The following AUTS2 variants were observed in gnomAD, a reference collection of about 807,000 sequenced individuals.
The protein encoded by AUTS2 is activator of transcription and developmental regulator AUTS2.
AUTS2 carries 17 observed loss-of-function variants against 112.4 expected under a neutral mutation model. The observed-to-expected ratio is 0.15, with a 90% CI of 0.10 to 0.23. AUTS2 has a LOEUF of 0.23. AUTS2 is among the 10% of genes least tolerant of loss of function. The probability of loss-of-function intolerance (pLI) is 1.00; values close to 1 mark genes in which losing one functional copy is unlikely to be tolerated. For synonymous variants in AUTS2, 751 were observed against 702.7 expected (o/e 1.07, Z -1.09); for missense variants, 1,510 against 1,701.6 (o/e 0.89, Z 1.98).
At chr7:70,544,234 G>C (rs765934560) in intron 5 of AUTS2, among the ~76,000 whole-genome samples, 3 of 152,200 alleles carry the variant, frequency 2.0e-5, no homozygotes, top group Non-Finnish European at 4.4e-5. Flanking sequence ...CTTGACATCT[G>C]TCACCTGTTC....
intron 4 of AUTS2, among the ~76,000 whole-genome samples, chr7:70,237,970 T>C (rs1473504416): frequency 6.6e-6 from 1 of 152,206 alleles, no homozygotes; most frequent in Admixed American, 6.5e-5. Flanking sequence ...GTAACAGCTA[T>C]CTACAGTAAT....
At chr7:69,717,007 C>T (rs1379778009) in intron 1 of AUTS2, among the ~76,000 whole-genome samples, 1 of 152,184 alleles carries the variant, frequency 6.6e-6, no homozygotes, top group African/African-American at 2.4e-5. Flanking sequence ...TCTTGCGAAG[C>T]TCATTTAAAC....
chr7:70,786,864 C>A, intron 17 of AUTS2: 1 of 373,926 alleles, frequency 2.7e-6, no homozygotes, highest in African/African-American at 2.1e-5. Context: ...ATCCAAATCC[C>A]ACCATCATAA....
intron 5 of AUTS2, among the ~76,000 whole-genome samples, chr7:70,673,373 C>CTT (rs61024543): frequency 1.8e-4 from 26 of 146,312 alleles, no homozygotes; most frequent in East Asian, 4.0e-4. Flanking sequence ...TTTTTCTTTT[C>CTT]TTTTTTTTTT....
At chr7:70,506,472 G>T (rs1344785017) in intron 5 of AUTS2, among the ~76,000 whole-genome samples, 3 of 152,182 alleles carry the variant, frequency 2.0e-5, no homozygotes, top group Non-Finnish European at 4.4e-5. Context: ...AAGTGAATAT[G>T]GCTAACTGTA....
At chr7:70,758,540 A>C (rs1789364329) in intron 6 of AUTS2, among the ~76,000 whole-genome samples, 1 of 152,238 alleles carries the variant, frequency 6.6e-6, no homozygotes, top group African/African-American at 2.4e-5. Flanking sequence ...TTTACCGTAA[A>C]GTACGCAATG....
At chr7:69,763,187 A>G (rs1462317470) in intron 1 of AUTS2, among the ~76,000 whole-genome samples, 1 of 152,202 alleles carries the variant, frequency 6.6e-6, no homozygotes, top group African/African-American at 2.4e-5. Flanking sequence ...GGATGCTTTA[A>G]TTGCCTCAGC....
intron 4 of AUTS2, among the ~76,000 whole-genome samples, chr7:70,421,097 T>G (rs1002067136): frequency 2.0e-5 from 3 of 152,172 alleles, no homozygotes; most frequent in African/African-American, 7.2e-5. Flanking sequence ...AAATAGGGGT[T>G]TTAGAAGACT....
intron 4 of AUTS2, among the ~76,000 whole-genome samples, chr7:70,272,226 T>A (rs1006221872): frequency 4.0e-5 from 6 of 151,334 alleles, no homozygotes; most frequent in African/African-American, 1.5e-4. Flanking sequence ...AAGTGTGTTG[T>A]AGTTAAATTA....
chr7:70,312,753 T>A (rs573319317), intron 4 of AUTS2, among the ~76,000 whole-genome samples: 30 of 152,350 alleles, frequency 2.0e-4, no homozygotes, highest in African/African-American at 6.7e-4. Context: ...TTCTGTCACA[T>A]TGAAAATGTT....
chr7:70,290,608 T>A, intron 4 of AUTS2: 1 of 1,429,224 alleles, frequency 7.0e-7, no homozygotes, highest in Middle Eastern at 1.9e-4. Flanking sequence ...AATTAAACAC[T>A]TCCCTCCTTT....
chr7:69,805,344 C>T (rs1164993579), intron 1 of AUTS2, among the ~76,000 whole-genome samples: 1 of 152,086 alleles, frequency 6.6e-6, no homozygotes, highest in Non-Finnish European at 1.5e-5. Context: ...AATGTTTTTA[C>T]GTTAGACAAA....
At chr7:70,710,680 T>G (rs1810002177) in intron 6 of AUTS2, among the ~76,000 whole-genome samples, 1 of 152,200 alleles carries the variant, frequency 6.6e-6, no homozygotes, top group Non-Finnish European at 1.5e-5. Flanking sequence ...CTGAACTAAT[T>G]TGATTGTTAC....
At chr7:70,295,441 T>C (rs914032832) in intron 4 of AUTS2, among the ~76,000 whole-genome samples, 5 of 152,356 alleles carry the variant, frequency 3.3e-5, no homozygotes, top group African/African-American at 9.6e-5. Context: ...CTCCGTTCTC[T>C]CTCTGTTTTT....
intron 2 of AUTS2, among the ~76,000 whole-genome samples, chr7:70,036,658 C>A (rs1801016236): frequency 6.6e-6 from 1 of 152,182 alleles, no homozygotes; most frequent in Admixed American, 6.5e-5. Context: ...ATCCAGAGAC[C>A]TTCAGATAGC....
At chr7:70,674,393 A>G (rs1366586325) in intron 5 of AUTS2, among the ~76,000 whole-genome samples, 1 of 152,220 alleles carries the variant, frequency 6.6e-6, no homozygotes, top group Non-Finnish European at 1.5e-5. Context: ...AGAAAATGAG[A>G]TTAGGCGCAC....
chr7:69,924,935 A>G (rs906989439), intron 2 of AUTS2, among the ~76,000 whole-genome samples: 1 of 152,242 alleles, frequency 6.6e-6, no homozygotes, highest in Non-Finnish European at 1.5e-5. Context: ...AAGGTTTTAA[A>G]TGAAATATTC....
At chr7:70,605,568 G>A (rs75721573) in intron 5 of AUTS2, among the ~76,000 whole-genome samples, 23 of 43,074 alleles carry the variant, frequency 5.3e-4, no homozygotes, top group African/African-American at 2.0e-3. Flanking sequence ...TTTTTTTTTG[G>A]TCTTTTCTTT....
intron 1 of AUTS2, among the ~76,000 whole-genome samples, chr7:69,791,725 T>C (rs1789612986): frequency 1.3e-5 from 2 of 152,202 alleles, no homozygotes; most frequent in Admixed American, 6.5e-5. Flanking sequence ...GACTATAGTC[T>C]CTCCCTTTAG....
Sources: gnomAD v4.1 joint callset for allele counts (sites outside exome capture counted in the v4.1 genomes callset) on GRCh38, gnomAD v4.1.1 for gene constraint, MANE v1.5 for transcripts, NCBI Gene and HGNC (gene_info 2026-07-23, HGNC 2026-07-21) for gene names.